Variants in TRIM72 observed in about 807,000 individuals in gnomAD.
TRIM72 encodes the protein tripartite motif containing 72, also known as tripartite motif-containing protein 72.
A neutral mutation model predicts 31.6 loss-of-function variants in TRIM72; 33 were observed. That is an observed-to-expected ratio of 1.04 (90% CI 0.79 to 1.40). The LOEUF is 1.40. Among genes scored for constraint, TRIM72 ranks in the 40% most tolerant of loss-of-function variants. TRIM72 has a pLI of 0.00. For missense variants in TRIM72, 666 were observed against 682.7 expected, an observed-to-expected ratio of 0.98 and a Z score of 0.27; for synonymous variants, 301 against 314.4, an observed-to-expected ratio of 0.96 and a Z score of 0.45.
intron 5 of TRIM72, among the ~76,000 whole-genome samples, chr16:31,221,490 G>T (rs2079533351): frequency 7.3e-6 from 1 of 137,706 alleles, no homozygotes; most frequent in African/African-American, 2.8e-5. Flanking sequence ...GGGCATTGCT[G>T]GGAGAAGGGC....
rs1317055423 is a variant in TRIM72, at chr16:31,216,480, G to T, written c.390+1352G>T. The T allele has an allele frequency of 2.2e-5, 9 of 405,488 alleles. No individual in the cohort carries two copies. Among genetic ancestry groups the T allele is most frequent in the Non-Finnish European group, 3.9e-5 (9 of 229,308 alleles). 25.1% of individuals were successfully genotyped at this position (405,488 alleles called of 1,614,324 possible). On this transcript the variant is annotated intron_variant, in intron 2 of 6. Coordinates refer to ENST00000322122, the MANE Select transcript of TRIM72 (RefSeq NM_001008274.4). This position sits in a 1 kb window ranked among gnomAD's most constrained non-coding sequence, Gnocchi z 6.7. ...AACCCAACCTCGCCCAACCTTGCCC[G>T]TCTTTATCTGCGAAGAAAGCACAGA...
chr16:31,214,399 G>C (rs547830021), intron 1 of TRIM72, 102 bp downstream of exon 1: 2 of 228,126 alleles, frequency 8.8e-6, no homozygotes, highest in East Asian at 1.9e-4. Context: ...ATTTGGGTCC[G>C]GGACTAAGGT....
In TRIM72 at chr16:31,219,702, A is replaced by G. The variant is rs970333796; in HGVS notation, c.717+183A>G. Among the ~76,000 whole-genome samples the G allele has an allele frequency of 2.0e-5, 3 of 152,186 alleles. No homozygotes were observed. The highest frequency in any genetic ancestry group is 7.2e-5 in the African/African-American group (3 of 41,442). ...GAGCACTGCATAAGGACATTGTATTAAGTGAGCACTATTCATATCATAGAC... is the reference window on the plus strand; with the variant it reads ...GAGCACTGCATAAGGACATTGTATTGAGTGAGCACTATTCATATCATAGAC... On this transcript the variant is annotated intron_variant, in intron 4 of 6. Coordinates refer to ENST00000322122, the MANE Select transcript of TRIM72 (RefSeq NM_001008274.4). The surrounding 1 kb of genome is among the most constrained non-coding windows in gnomAD (Gnocchi z 4.2).
In TRIM72 at chr16:31,215,428, G is replaced by T. The variant is rs1425343818; in HGVS notation, c.390+300G>T. 2.0e-5 allele frequency among the ~76,000 whole-genome samples: 3 copies of T among 152,124 alleles called. No homozygotes were observed. Among genetic ancestry groups the T allele is most frequent in the Admixed American group, 2.0e-4 (3 of 15,274 alleles). On this transcript the variant is annotated intron_variant, in intron 2 of 6. Transcript: ENST00000322122. The surrounding 1 kb of genome is among the most constrained non-coding windows in gnomAD (Gnocchi z 6.3). ...ATGGGCGGGCGGAGCCCCAGGGCGG[G>T]TCTGATGGGCCGGGCGGAGCCAGGC...
chr16:31,217,859 C>T lies in TRIM72; in HGVS notation c.391-1236C>T, dbSNP rs576374470. Among the ~76,000 whole-genome samples the T allele has an allele frequency of 3.9e-3, 587 of 152,206 alleles. 3 individuals carry two copies. Among genetic ancestry groups the T allele is most frequent in the Non-Finnish European group, 5.9e-3 (401 of 68,012 alleles). ...TGAACTCCTGACCTCGTGATCCACC[C>T]GCCCTGGCCTCCCAAAGTGCTGGGA... On this transcript the variant is annotated intron_variant, in intron 2 of 6. Transcript: ENST00000322122.
intron 2 of TRIM72, among the ~76,000 whole-genome samples, chr16:31,218,062 G>A (rs1359642083): frequency 6.6e-6 from 1 of 152,198 alleles, no homozygotes; most frequent in African/African-American, 2.4e-5. Context: ...GGGGTAGGTT[G>A]CCTTTCTTCT....
Position 31,224,732 on chromosome 16 carries a change from G to A in TRIM72, c.1411G>A (p.Gly471Ser), listed in dbSNP as rs758502754. 1 of 1,513,498 alleles carries A rather than the reference G, an allele frequency of 6.6e-7. No homozygotes were observed. Among genetic ancestry groups the A allele is most frequent in the Non-Finnish European group, 8.8e-7 (1 of 1,135,346 alleles). The allele number at this position is 1,513,498 out of a possible 1,614,324, so 93.8% of individuals were successfully genotyped here. A position where few individuals can be genotyped will look rare whatever the true frequency, so the allele number is the denominator to read the frequency against. ...GAATGCCCAGCCGCTGCTGCTCGTGGGTCCCGAAGGCGCCGAGGCCTGAGC... is the reference window on the plus strand; with the variant it reads ...GAATGCCCAGCCGCTGCTGCTCGTGAGTCCCGAAGGCGCCGAGGCCTGAGC... ...GKNAQPLLLV[G>S]PEGAEA Residue 471 changes from glycine (G) to serine (S), a missense_variant, in exon 7 of 7, where the codon GGT (glycine) becomes AGT (serine). Physicochemically the swap from Gly to Ser is moderately conservative, Grantham distance 56. Coordinates refer to ENST00000322122, the MANE Select transcript of TRIM72 (RefSeq NM_001008274.4).
chr16:31,214,672 A>T, intron 1 of TRIM72, 60 bp from the exon 2 acceptor site: 1 of 1,414,732 alleles, frequency 7.1e-7, no homozygotes. Flanking sequence ...GGGCTGGGCC[A>T]GGGCTGGGCC....
At position 31,229,508 on chromosome 16, in the gene TRIM72, G is replaced by A. The variant is rs2079563893; in HGVS notation, c.*4753G>A. On this transcript the variant is annotated 3_prime_UTR_variant, in exon 7 of 7. Transcript: ENST00000322122. ...TGGCTGACTGAGTGAGGTGGGCTTT[G>A]TGGGAAAAGCTGCGTAATCCAGGTG... 1 of 152,308 alleles carries A rather than the reference G, an allele frequency of 6.6e-6. No individual in the cohort carries two copies. Among genetic ancestry groups the A allele is most frequent in the Non-Finnish European group, 1.5e-5 (1 of 68,090 alleles). The allele number at this position is 152,308 out of a possible 1,614,324, so 9.4% of individuals were successfully genotyped here.
chr16:31,214,848 G>A lies in TRIM72; in HGVS notation c.110G>A (p.Cys37Tyr). The A allele has an allele frequency of 6.5e-7, 1 of 1,544,884 alleles. No individual in the cohort carries two copies. Residue 37 changes from cysteine to tyrosine, a missense_variant, in exon 2 of 7, where the codon TGC (cysteine) becomes TAC (tyrosine). By Grantham distance (194) the Cys-to-Tyr change is radical (BLOSUM62 -2). Transcript: ENST00000322122. ...AECGHSFCRACLGRVAGEPAA... is the reference protein window; with the variant it reads ...AECGHSFCRAYLGRVAGEPAA... ...TGCGGCCACAGTTTCTGCCGCGCCT[G>A]CCTAGGCCGCGTGGCCGGGGAGCCG...
chr16:31,216,507 C>A lies in TRIM72; in HGVS notation c.390+1379C>A. 1 of 483,976 alleles carries A rather than the reference C, an allele frequency of 2.1e-6. No homozygotes were observed. The highest frequency in any genetic ancestry group is 3.6e-6 in the Non-Finnish European group (1 of 274,822). 30.0% of individuals were successfully genotyped at this position (483,976 alleles called of 1,614,324 possible). A position where few individuals can be genotyped will look rare whatever the true frequency, so the allele number is the denominator to read the frequency against. ...CTTTATCTGCGAAGAAAGCACAGAA[C>A]CCATGAAACGGAACAGGGCCCAGGC... On this transcript the variant is annotated intron_variant, in intron 2 of 6. Transcript: ENST00000322122. The surrounding 1 kb of genome is among the most constrained non-coding windows in gnomAD (Gnocchi z 6.7).
intron 6 of TRIM72, 66 bp from the exon 7 acceptor site, chr16:31,224,115 A>G (rs908023169): frequency 1.4e-5 from 21 of 1,540,206 alleles, no homozygotes; most frequent in Non-Finnish European, 1.8e-5. Flanking sequence ...CTGGCCTGCA[A>G]TTGGTTGGGA....
rs2079561982 is a variant in TRIM72 at position 31,228,871 on chromosome 16, G to A, written c.*4116G>A. On this transcript the variant is annotated 3_prime_UTR_variant, in exon 7 of 7. Transcript: ENST00000322122. ...AGTGCTGGGATTACAGGCATGAGCT[G>A]TCGGGCCTGGCCCCTGCACTTCTTT... 1 of 152,254 alleles carries A rather than the reference G, an allele frequency of 6.6e-6. No homozygotes were observed. The highest frequency in any genetic ancestry group is 1.5e-5 in the Non-Finnish European group (1 of 68,138). The allele number at this position is 152,254 out of a possible 1,614,324, so 9.4% of individuals were successfully genotyped here.
rs1280177078 is a variant in TRIM72, at chr16:31,226,628, G to GC, written c.*1878dup. The GC allele has an allele frequency of 1.3e-5, 2 of 152,288 alleles. No homozygotes were observed. Among genetic ancestry groups the GC allele is most frequent in the Admixed American group, 6.6e-5 (1 of 15,260 alleles). 9.4% of individuals were successfully genotyped at this position (152,288 alleles called of 1,614,324 possible). The stretch of plus-strand genomic sequence containing the variant: ...CCCTGCTGCTCATGGGGAAGAGAAG[G>GC]CCCCCAACTAGATGTCCCAGAACTG... On this transcript the variant is annotated 3_prime_UTR_variant, in exon 7 of 7. Coordinates refer to ENST00000322122, the MANE Select transcript of TRIM72 (RefSeq NM_001008274.4).
chr16:31,214,667 G>C, intron 1 of TRIM72, 65 bp from the exon 2 acceptor site: 1 of 1,401,254 alleles, frequency 7.1e-7, no homozygotes, highest in Non-Finnish European at 9.2e-7. Context: ...GGCTAGGGCT[G>C]GGCCAGGGCT....
Position 31,226,537 on chromosome 16 carries a change from A to T in TRIM72, c.*1782A>T, listed in dbSNP as rs967809830. On this transcript the variant is annotated 3_prime_UTR_variant, in exon 7 of 7. Transcript: ENST00000322122. Reference sequence around the variant, plus strand: ...CTTGCTTTGCCTCTGGGATATGTTTATCGAGCGTCTTGAACGTTGAGGAAG... The same window carrying T: ...CTTGCTTTGCCTCTGGGATATGTTTTTCGAGCGTCTTGAACGTTGAGGAAG... 2.0e-5 allele frequency: 3 copies of T among 152,348 alleles called. No homozygotes were observed. Among genetic ancestry groups the T allele is most frequent in the Admixed American group, 2.0e-4 (3 of 15,296 alleles). 9.4% of individuals were successfully genotyped at this position (152,348 alleles called of 1,614,324 possible). A position where few individuals can be genotyped will look rare whatever the true frequency, so the allele number is the denominator to read the frequency against.
intron 4 of TRIM72, 109 bp from the exon 5 acceptor site, chr16:31,220,787 A>T (rs962707910): frequency 1.5e-5 from 22 of 1,435,250 alleles, no homozygotes; most frequent in Non-Finnish European, 2.1e-5. Flanking sequence ...AGCTTTTCTG[A>T]TTCTTTCTGA....
Position 31,224,955 on chromosome 16 carries a change from C to G in TRIM72, c.*200C>G, listed in dbSNP as rs1398244216. Reference sequence around the variant, plus strand: ...CCTGTAATCCCAGCACTTTGGGAGACGGAGGCGGGTGGATCACCTGAGGTC... The same window carrying G: ...CCTGTAATCCCAGCACTTTGGGAGAGGGAGGCGGGTGGATCACCTGAGGTC... On this transcript the variant is annotated 3_prime_UTR_variant, in exon 7 of 7. Coordinates refer to ENST00000322122, the MANE Select transcript of TRIM72 (RefSeq NM_001008274.4). The G allele has an allele frequency of 8.3e-6, 4 of 480,696 alleles. No individual in the cohort carries two copies. The highest frequency in any genetic ancestry group is 1.0e-4 in the South Asian group (2 of 19,344). The allele number at this position is 480,696 out of a possible 1,614,324, so 29.8% of individuals were successfully genotyped here.
Position 31,224,908 on chromosome 16 carries a change from A to T in TRIM72, c.*153A>T. ...CCCAGAATACTGACAAGCGTGGGGT[A>T]GGACTGGCTTGGTGGCTCATGCCTG... On this transcript the variant is annotated 3_prime_UTR_variant, in exon 7 of 7. Coordinates refer to ENST00000322122, the MANE Select transcript of TRIM72 (RefSeq NM_001008274.4). 1 of 789,046 alleles carries T rather than the reference A, an allele frequency of 1.3e-6. No homozygotes were observed. The allele number at this position is 789,046 out of a possible 1,614,324, so 48.9% of individuals were successfully genotyped here.
Sources: gnomAD v4.1 joint callset for allele counts (sites outside exome capture counted in the v4.1 genomes callset) on GRCh38, gnomAD v4.1.1 for gene constraint, Gnocchi (gnomAD v3.1) non-coding constraint, MANE v1.5 for transcripts, NCBI Gene and HGNC (gene_info 2026-07-23, HGNC 2026-07-21) for gene names.